CHD8: variants seen among roughly 807,000 people sequenced by gnomAD.
CHD8 encodes chromodomain helicase DNA binding protein 8.
CHD8 carries 31 observed loss-of-function variants against 279.2 expected under a neutral mutation model. That is an observed-to-expected ratio of 0.11 (90% confidence interval 0.08 to 0.15). The LOEUF (loss-of-function observed/expected upper bound fraction) is 0.15. Ranked by LOEUF, CHD8 falls within the 10% of genes least tolerant of loss-of-function variation. CHD8 has a pLI of 1.00. For synonymous variants in CHD8, 1,081 were observed against 1,139.6 expected (o/e 0.95, Z 1.04); for missense variants, 2,146 against 3,230.5 (o/e 0.66, Z 8.14).
intron 27 of CHD8, 148 bp from the exon 28 acceptor site, chr14:21,396,040 A>G (rs1000979526): frequency 1.6e-6 from 1 of 638,238 alleles, no homozygotes; most frequent in East Asian, 2.8e-5. Context: ...TCTGTCGCCC[A>G]GGCTGGAGTG....
rs1888099507 is a variant in CHD8, at chr14:21,402,943, T to C, written c.3714+74A>G. ...AATTCCAAACTCTGTGAAAGGTCTT[T>C]CTAAAAGATCCTATTCTTGTTGAAA... On this transcript the variant is annotated intron_variant, in intron 18 of 37. Transcript: ENST00000646647. The surrounding 1 kb of genome is among the most constrained non-coding windows in gnomAD (Gnocchi z 4.5). 1 of 1,279,290 alleles carries C rather than the reference T, an allele frequency of 7.8e-7. No individual in the cohort carries two copies. Among genetic ancestry groups the C allele is most frequent in the Non-Finnish European group, 1.1e-6 (1 of 918,916 alleles). 79.2% of individuals were successfully genotyped at this position (1,279,290 alleles called of 1,614,324 possible). A position where few individuals can be genotyped will look rare whatever the true frequency, so the allele number is the denominator to read the frequency against.
intron 1 of CHD8, among the ~76,000 whole-genome samples, chr14:21,439,788 A>AT (rs1889910195): frequency 6.6e-6 from 1 of 152,228 alleles, no homozygotes; most frequent in Non-Finnish European, 1.5e-5. Context: ...TTGTCTACAT[A>AT]TACTTGCTAG....
chr14:21,393,828 A>G lies in CHD8; in HGVS notation c.5967T>C (p.Tyr1989=). 6.2e-7 allele frequency: 1 copy of G among 1,614,002 alleles called. No homozygotes were observed. Among genetic ancestry groups the G allele is most frequent in the Non-Finnish European group, 8.5e-7 (1 of 1,179,870 alleles). Residue 1989 remains tyrosine (Y), a synonymous_variant, in exon 32 of 38, where the codon TAT becomes TAC. Transcript: ENST00000646647. ...GCAGTGGTGAGGCAGTGCGTGAGGT[A>G]TACTGCTGGTGCAGCAGTGGAGTAG... is the stretch of plus-strand genomic sequence containing the variant. ...RCSTPLLHQQ[Y]TSRTASPLPL...
chr14:21,392,989 A>AC, intron 33 of CHD8, 117 bp downstream of exon 33: 2 of 1,267,940 alleles, frequency 1.6e-6, no homozygotes, highest in Non-Finnish European at 2.2e-6. Flanking sequence ...AAAAAAAAAA[A>AC]CTTGCAGCAA....
rs533152979 is a variant in CHD8, at chr14:21,454,528, AT to A, written c.-216+1503del. ...GTACTTTTAGAGACGGGGTTTCACC[AT>A]GTTGGTCAGGCTGGTCTCGAACTCC... On this transcript the variant is annotated intron_variant, in intron 1 of 37. Transcript: ENST00000646647. Among the ~76,000 whole-genome samples the A allele has an allele frequency of 2.2e-3, 334 of 152,146 alleles. 4 individuals are homozygous for A. Among genetic ancestry groups the A allele is most frequent in the Admixed American group, 4.0e-3 (61 of 15,284 alleles).
In CHD8 at chr14:21,405,580, G is replaced by A; in HGVS notation, c.3052-116C>T. 1 of 1,472,998 alleles carries A rather than the reference G, an allele frequency of 6.8e-7. No individual in the cohort carries two copies. The highest frequency in any genetic ancestry group is 1.3e-5 in the South Asian group (1 of 75,254). 91.2% of individuals were successfully genotyped at this position (1,472,998 alleles called of 1,614,324 possible). A position where few individuals can be genotyped will look rare whatever the true frequency, so the allele number is the denominator to read the frequency against. On this transcript the variant is annotated intron_variant, in intron 15 of 37. Coordinates refer to ENST00000646647, the MANE Select transcript of CHD8 (RefSeq NM_001170629.2). The surrounding 1 kb of genome is among the most constrained non-coding windows in gnomAD (Gnocchi z 4.2). ...CACTATCTAAGAAATGTATACTTTG[G>A]ATGATGCCACAAATGATGTAGGCAC...
intron 27 of CHD8, among the ~76,000 whole-genome samples, chr14:21,396,427 C>G (rs1327542213): frequency 2.8e-5 from 4 of 144,542 alleles, no homozygotes; most frequent in Non-Finnish European, 6.1e-5. Flanking sequence ...CTGCCTCAGC[C>G]TCCTGAGTAG....
chr14:21,431,326 G>A lies in CHD8; in HGVS notation c.318C>T (p.Ala106=). 6.5e-7 allele frequency: 1 copy of A among 1,544,398 alleles called. No individual in the cohort carries two copies. Among genetic ancestry groups the A allele is most frequent in the Non-Finnish European group, 8.7e-7 (1 of 1,151,184 alleles). ...GCGTCGATGTCTGTAAGACAGGTTGGGCTGGCTGCTCCTGGCTGGCAGGCT... is the reference window on the plus strand; with the variant it reads ...GCGTCGATGTCTGTAAGACAGGTTGAGCTGGCTGCTCCTGGCTGGCAGGCT... ...TTQPASQEQP[A]QPVLQTSTPT... is the part of the protein sequence containing the mutation. Residue 106 remains alanine, a synonymous_variant, in exon 2 of 38, where the codon GCC becomes GCT. Coordinates refer to ENST00000646647, the MANE Select transcript of CHD8 (RefSeq NM_001170629.2).
In CHD8 at chr14:21,386,089, G is replaced by T. The variant is rs1887216508; in HGVS notation, c.7270C>A (p.Pro2424Thr). Residue 2424 changes from proline (P) to threonine (T), a missense_variant, in exon 38 of 38, where the codon CCA becomes ACA. Around this residue, in one of 26 missense-constraint regions of CHD8, gnomAD observed 336 missense variants for 392.9 expected, o/e 0.86. Coordinates refer to ENST00000646647, the MANE Select transcript of CHD8 (RefSeq NM_001170629.2). Reference sequence around the variant, plus strand: ...AGGGCCATCATCTTAGAAAGGTCTGGTCGCATCCTACGGGCCCGCTTCTTG... The same window carrying T: ...AGGGCCATCATCTTAGAAAGGTCTGTTCGCATCCTACGGGCCCGCTTCTTG... ...SSKKRARRMRPDLSKMMALMQ... is the reference protein window; with the variant it reads ...SSKKRARRMRTDLSKMMALMQ... 3 of 1,569,918 alleles carry T rather than the reference G, an allele frequency of 1.9e-6. No individual in the cohort carries two copies. In the African/African-American group the frequency reaches 4.1e-5, roughly 21 times the overall value.
rs755582353 is a variant in CHD8, at chr14:21,408,473, C to T, written c.2569G>A (p.Gly857Ser). ...ATGACCAAGAAGGGACCATGGATGC[C>T]CACATTATATACTTCCTGCAAGAAG... ...IAFLQEVYNV[G>S]IHGPFLVIAP... Residue 857 changes from glycine to serine, a missense_variant, in exon 13 of 38, where the codon GGC becomes AGC. By Grantham distance (56) the Gly-to-Ser change is moderately conservative. Coordinates refer to ENST00000646647, the MANE Select transcript of CHD8 (RefSeq NM_001170629.2). This position sits in a 1 kb window ranked among gnomAD's most constrained non-coding sequence, Gnocchi z 4.3. 1.2e-6 allele frequency: 2 copies of T among 1,613,894 alleles called. No homozygotes were observed. Among genetic ancestry groups the T allele is most frequent in the Admixed American group, 3.3e-5 (2 of 60,012 alleles).
intron 1 of CHD8, chr14:21,455,263 G>A (rs1453214966): frequency 2.6e-5 from 4 of 152,200 alleles, no homozygotes; most frequent in African/African-American, 9.7e-5. Context: ...CTTCAAGACT[G>A]TCCCTTAAAA....
chr14:21,394,752 G>C lies in CHD8; in HGVS notation c.5390+160C>G. The C allele has an allele frequency of 7.1e-6, 5 of 704,628 alleles. No homozygotes were observed. In the South Asian group the frequency reaches 9.7e-5, roughly 14 times the overall value. The allele number at this position is 704,628 out of a possible 1,614,324, so 43.6% of individuals were successfully genotyped here. A position where few individuals can be genotyped will look rare whatever the true frequency, so the allele number is the denominator to read the frequency against. On this transcript the variant is annotated intron_variant, in intron 30 of 37. Coordinates refer to ENST00000646647, the MANE Select transcript of CHD8 (RefSeq NM_001170629.2). ...ACCTACCTGAGAGTTAATGATTACT[G>C]CATGCAAGTGAGGTTTTAATTTCTA...
intron 26 of CHD8, 189 bp downstream of exon 26, chr14:21,399,413 G>A: frequency 1.8e-6 from 1 of 557,250 alleles, no homozygotes; most frequent in South Asian, 2.0e-5. Context: ...TATCCATCTG[G>A]CCCTTCTTGA....
intron 9 of CHD8, chr14:21,413,927 C>T: frequency 5.9e-6 from 1 of 170,610 alleles, no homozygotes; most frequent in East Asian, 1.7e-4. Flanking sequence ...TATTTCTAAT[C>T]ACACTGGATT....
At chr14:21,397,358 C>T (rs759348336) in intron 27 of CHD8, 1 of 518,758 alleles carries the variant, frequency 1.9e-6, no homozygotes, top group Non-Finnish European at 3.9e-6. Context: ...GCAACACTGC[C>T]CTACCTGGTG....
At chr14:21,437,337 A>G in intron 1 of CHD8, 1 of 1,000,956 alleles carries the variant, frequency 1.0e-6, no homozygotes, top group Non-Finnish European at 1.3e-6. Context: ...CCAAAGGCGA[A>G]AAGACGCAAA....
At chr14:21,430,755 G>C in intron 2 of CHD8, 46 bp downstream of exon 2, 1 of 1,224,362 alleles carries the variant, frequency 8.2e-7, no homozygotes, top group Non-Finnish European at 1.1e-6. Flanking sequence ...GAGTTGCTGG[G>C]CCCTCTATGA....
rs761194016 is a variant in CHD8 at position 21,441,185 on chromosome 14, T to TA, written c.-215-9328dup. Among the ~76,000 whole-genome samples the TA allele has an allele frequency of 6.6e-5, 10 of 152,170 alleles. No individual in the cohort carries two copies. In the East Asian group the frequency reaches 1.3e-3, roughly 21 times the overall value. The stretch of plus-strand genomic sequence containing the variant: ...GACAATATTTGGCAATGGCAGATAT[T>TA]AGAGTCCAACTGTAGCATCCTATAT... On this transcript the variant is annotated intron_variant, in intron 1 of 37. Transcript: ENST00000646647.
At chr14:21,445,664 G>A (rs554968228) in intron 1 of CHD8, among the ~76,000 whole-genome samples, 4 of 141,280 alleles carry the variant, frequency 2.8e-5, no homozygotes, top group East Asian at 2.1e-4. Flanking sequence ...ACTCCAGCCC[G>A]GGCAACAGAG....
Sources: allele counts gnomAD v4.1 joint callset (sites outside exome capture counted in the v4.1 genomes callset), GRCh38; gene constraint gnomAD v4.1.1; regional missense constraint gnomAD v4.1.1; non-coding constraint Gnocchi (gnomAD v3.1); transcripts MANE v1.5; gene names NCBI Gene and HGNC (gene_info 2026-07-23, HGNC 2026-07-21).